Variants in CLIP1 observed in about 807,000 individuals in gnomAD.
CLIP1 encodes the protein CAP-Gly domain-containing linker protein 1.
CLIP1 carries 66 observed loss-of-function variants against 161.6 expected under a neutral mutation model. That is an observed-to-expected ratio of 0.41 (90% CI 0.33 to 0.50). The LOEUF (loss-of-function observed/expected upper bound fraction) is 0.50, where lower values mean the gene tolerates loss of function less well. Among genes scored for constraint, CLIP1 ranks in the 20% least tolerant of loss-of-function variants. The probability of loss-of-function intolerance (pLI) is 0.27; values close to 1 mark genes in which losing one functional copy is unlikely to be tolerated. For synonymous variants in CLIP1, 598 were observed against 626.2 expected, an observed-to-expected ratio of 0.96 and a Z score of 0.67; for missense variants, 1,376 against 1,702.0, an observed-to-expected ratio of 0.81 and a Z score of 3.37.
chr12:122,393,117 A>C (rs779998284), intron 1 of CLIP1, among the ~76,000 whole-genome samples: 4 of 151,440 alleles, frequency 2.6e-5, no homozygotes, highest in Non-Finnish European at 1.5e-5. Context: ...GATCTAAAGA[A>C]GTTATATATT....
chr12:122,356,060 G>A (rs963789296), intron 5 of CLIP1: 1 of 152,122 alleles, frequency 6.6e-6, no homozygotes, highest in Non-Finnish European at 1.5e-5. Context: ...TAATAACTCG[G>A]CAACTTGAGA....
At chr12:122,398,757 C>T (rs1030715509) in intron 1 of CLIP1, among the ~76,000 whole-genome samples, 5 of 151,758 alleles carry the variant, frequency 3.3e-5, no homozygotes, top group Admixed American at 2.0e-4. Flanking sequence ...GCCTGGAATC[C>T]CAGCTACTTC....
chr12:122,304,489 T>C (rs1256596743), intron 20 of CLIP1, among the ~76,000 whole-genome samples: 1 of 152,134 alleles, frequency 6.6e-6, no homozygotes, highest in Non-Finnish European at 1.5e-5. Flanking sequence ...GTCTCCCGAG[T>C]AGCCAGAATT....
At chr12:122,353,211 A>G (rs530194268) in intron 7 of CLIP1, among the ~76,000 whole-genome samples, 75 of 152,240 alleles carry the variant, frequency 4.9e-4, no homozygotes, top group Middle Eastern at 3.4e-3. Flanking sequence ...CAGGTGTGGC[A>G]GCGTGCACCC....
At chr12:122,374,107 G>A (rs552352299) in intron 3 of CLIP1, among the ~76,000 whole-genome samples, 3 of 152,072 alleles carry the variant, frequency 2.0e-5, no homozygotes, top group African/African-American at 7.2e-5. Flanking sequence ...GGAGGCCAAG[G>A]AGAGCGGATC....
chr12:122,317,425 G>A (rs962892113), intron 18 of CLIP1, among the ~76,000 whole-genome samples: 2 of 152,152 alleles, frequency 1.3e-5, no homozygotes, highest in Admixed American at 6.5e-5. Flanking sequence ...TCGTGGGACT[G>A]AAGGGCACTT....
Position 122,327,952 on chromosome 12 carries a change from C to T in CLIP1, c.3244G>A (p.Ala1082Thr), listed in dbSNP as rs774100378. ...LEELRKQADK[A>T]KAAQTAEDAM... The stretch of plus-strand genomic sequence containing the variant: ...AATTCTCTCGCGTCACGTACTTTGG[C>T]TTTGTCGGCTTGCTTTCTCAGCTCC... The change falls in exon 17 of 26, where the codon GCC (alanine) becomes ACC (threonine). Residue 1082 changes from alanine (A) to threonine (T), a missense_variant. Coordinates refer to ENST00000620786, the MANE Select transcript of CLIP1 (RefSeq NM_001247997.2). 7.4e-6 allele frequency: 12 copies of T among 1,614,028 alleles called. No homozygotes were observed. Among genetic ancestry groups the T allele is most frequent in the Non-Finnish European group, 1.0e-5 (12 of 1,179,976 alleles).
intron 24 of CLIP1, chr12:122,276,557 A>G: frequency 1.8e-6 from 2 of 1,127,222 alleles, no homozygotes; most frequent in Non-Finnish European, 2.3e-6. Flanking sequence ...AAAGAGGACA[A>G]TGCTAATCCA....
At chr12:122,412,584 G>A (rs1166406798) in intron 1 of CLIP1, among the ~76,000 whole-genome samples, 1 of 152,012 alleles carries the variant, frequency 6.6e-6, no homozygotes, top group Non-Finnish European at 1.5e-5. Context: ...GAACTCGGTA[G>A]GCGGAGGTTG....
At chr12:122,332,718 G>A (rs1330860108) in intron 15 of CLIP1, among the ~76,000 whole-genome samples, 5 of 152,142 alleles carry the variant, frequency 3.3e-5, no homozygotes, top group African/African-American at 9.7e-5. Context: ...ACCGCACCCG[G>A]CCTTATTATC....
intron 15 of CLIP1, among the ~76,000 whole-genome samples, chr12:122,330,597 G>GTTTTTTTTTTTTTTGTTTTTTTT (rs1951903247): frequency 9.9e-6 from 1 of 101,402 alleles, no homozygotes; most frequent in African/African-American, 4.4e-5. Flanking sequence ...GTATAATGCA[G>GTTTTTTTTTTTTTTGTTTTTTTT]TTTTTTTTTT....
chr12:122,403,994 A>G (rs1956230466), intron 1 of CLIP1, among the ~76,000 whole-genome samples: 1 of 152,196 alleles, frequency 6.6e-6, no homozygotes, highest in Non-Finnish European at 1.5e-5. Context: ...TCAAAATCAA[A>G]CCACAGGGCA....
chr12:122,317,307 T>C (rs1951309302), intron 18 of CLIP1, among the ~76,000 whole-genome samples: 2 of 152,244 alleles, frequency 1.3e-5, no homozygotes, highest in African/African-American at 4.8e-5. Flanking sequence ...GTACCAGATT[T>C]ACATAGTCCT....
chr12:122,398,928 C>A (rs1273790472), intron 1 of CLIP1, among the ~76,000 whole-genome samples: 1 of 130,414 alleles, frequency 7.7e-6, no homozygotes, highest in Non-Finnish European at 1.6e-5. Flanking sequence ...CCCCCTTCCT[C>A]CTGACCAGAT....
chr12:122,288,536 T>C lies in CLIP1; in HGVS notation c.3600A>G (p.Glu1200=). Residue 1200 remains glutamate, a synonymous_variant, in exon 21 of 26, where the codon GAA becomes GAG. Coordinates refer to ENST00000620786, the MANE Select transcript of CLIP1 (RefSeq NM_001247997.2). ...RDEVTSHQKL[E]EERSVLNNQL... ...GATTATTGAGCACAGATCTTTCTTCTTCCAGCTAGGAAAAAAACACAAAAA... is the reference window on the plus strand; with the variant it reads ...GATTATTGAGCACAGATCTTTCTTCCTCCAGCTAGGAAAAAAACACAAAAA... 1 of 1,606,456 alleles carries C rather than the reference T, an allele frequency of 6.2e-7. No homozygotes were observed. Among genetic ancestry groups the C allele is most frequent in the Non-Finnish European group, 8.5e-7 (1 of 1,179,706 alleles).
chr12:122,306,998 CTTTTTTTTT>C (rs56949793), intron 20 of CLIP1, among the ~76,000 whole-genome samples: 1,436 of 80,924 alleles, frequency 0.018, 19 homozygotes, highest in African/African-American at 0.08. Context: ...GGTAAGTTCA[CTTTTTTTTT>C]TTTTTTTTTT....
At chr12:122,384,964 C>T (rs1322538981) in intron 1 of CLIP1, among the ~76,000 whole-genome samples, 2 of 145,566 alleles carry the variant, frequency 1.4e-5, no homozygotes, top group East Asian at 2.1e-4. Flanking sequence ...GAGACAGTCT[C>T]GCTCTGTCGC....
At position 122,350,447 on chromosome 12, in the gene CLIP1, C is replaced by T. The variant is rs76928972; in HGVS notation, c.1401+664G>A. ...TAAAACACCTGCATACCTAGTAATGCTACAGCTAGAAAACTCTCACTTCGG... is the reference window on the plus strand; with the variant it reads ...TAAAACACCTGCATACCTAGTAATGTTACAGCTAGAAAACTCTCACTTCGG... On this transcript the variant is annotated intron_variant, in intron 9 of 25. Transcript: ENST00000620786. Among the ~76,000 whole-genome samples, 800 of 152,210 alleles carry T rather than the reference C, an allele frequency of 5.3e-3. 33 individuals carry two copies. In the East Asian group the frequency reaches 0.1, roughly 19 times the overall value.
intron 20 of CLIP1, among the ~76,000 whole-genome samples, chr12:122,301,080 C>T (rs544739431): frequency 6.6e-6 from 1 of 152,238 alleles, no homozygotes; most frequent in South Asian, 2.1e-4. Flanking sequence ...AAGACAAAAA[C>T]AGAGGAATCG....
Sources: allele counts gnomAD v4.1 joint callset (sites outside exome capture counted in the v4.1 genomes callset), GRCh38; gene constraint gnomAD v4.1.1; transcripts MANE v1.5; gene names NCBI Gene and HGNC (gene_info 2026-07-23, HGNC 2026-07-21).